MRTFB: variants seen among roughly 807,000 people sequenced by gnomAD.
The protein encoded by MRTFB is myocardin-related transcription factor B.
In MRTFB, 29 loss-of-function variants were observed where a neutral mutation model predicts 104.2. The observed-to-expected ratio is 0.28, with a 90% CI of 0.21 to 0.38. The LOEUF is 0.38. MRTFB is among the 10% of genes least tolerant of loss of function. The pLI, the probability that MRTFB is intolerant of heterozygous loss-of-function variation, is 1.00. For missense variants in MRTFB, 1,270 were observed against 1,341.6 expected, an observed-to-expected ratio of 0.95 and a Z score of 0.83; for synonymous variants, 535 against 519.5, an observed-to-expected ratio of 1.03 and a Z score of -0.41.
rs1286915471 is a variant in MRTFB at position 14,263,417 on chromosome 16, C to T, written c.*1973C>T. 1.3e-5 allele frequency: 2 copies of T among 152,116 alleles called. No homozygotes were observed. Among genetic ancestry groups the T allele is most frequent in the Non-Finnish European group, 2.9e-5 (2 of 68,012 alleles). The allele number at this position is 152,116 out of a possible 1,614,324, so 9.4% of individuals were successfully genotyped here. A position where few individuals can be genotyped will look rare whatever the true frequency, so the allele number is the denominator to read the frequency against. ...ACAGTTCTTGGCCACAGTTTTTTTG[C>T]TGAGGGTTTCTGTCTGGGCCTATCA... On this transcript the variant is annotated 3_prime_UTR_variant, in exon 17 of 17. Coordinates refer to ENST00000571589, the MANE Select transcript of MRTFB (RefSeq NM_001308142.2).
At chr16:14,057,972 G>T in the MRTFB span, among the ~76,000 whole-genome samples, 1 of 152,222 alleles carries the variant, frequency 6.6e-6, no homozygotes, top group Non-Finnish European at 1.5e-5. Context: ...AGGGGTGGGG[G>T]CCACCTTCAC....
At chr16:14,083,861 A>G (rs781373078) in intron 2 of MRTFB, among the ~76,000 whole-genome samples, 1 of 152,158 alleles carries the variant, frequency 6.6e-6, no homozygotes, top group Non-Finnish European at 1.5e-5. Context: ...CTTCTTTTGT[A>G]TGTAACCTGT....
chr16:14,181,063 C>T (rs3974322), intron 3 of MRTFB, among the ~76,000 whole-genome samples: 4,077 of 152,084 alleles, frequency 0.027, 70 homozygotes, highest in Middle Eastern at 0.086. Context: ...ACTGTATGTT[C>T]AGTATATATT....
At chr16:14,175,777 A>G (rs1232599274) in intron 3 of MRTFB, among the ~76,000 whole-genome samples, 1 of 152,204 alleles carries the variant, frequency 6.6e-6, no homozygotes, top group East Asian at 1.9e-4. Context: ...ATTACTCAGT[A>G]ATAGAAAGGA....
chr16:14,162,084 G>T (rs1001330425), intron 3 of MRTFB, among the ~76,000 whole-genome samples: 4 of 150,460 alleles, frequency 2.7e-5, no homozygotes, highest in Admixed American at 2.0e-4. Context: ...GAGAGGCCAA[G>T]GTGGGAGTAT....
intron 10 of MRTFB, among the ~76,000 whole-genome samples, chr16:14,243,553 A>T (rs2042873884): frequency 6.6e-6 from 1 of 152,220 alleles, no homozygotes; most frequent in Admixed American, 6.5e-5. Flanking sequence ...AGAGTATCAC[A>T]GTTGGAAGAT....
the MRTFB span, among the ~76,000 whole-genome samples, chr16:14,045,555 A>G: frequency 1.3e-5 from 2 of 152,192 alleles, no homozygotes; most frequent in Non-Finnish European, 2.9e-5. Flanking sequence ...GGTTAAATTC[A>G]AGAATGTTTA....
intron 15 of MRTFB, among the ~76,000 whole-genome samples, chr16:14,253,437 TC>T (rs1316754867): frequency 1.3e-5 from 2 of 152,182 alleles, no homozygotes; most frequent in African/African-American, 4.8e-5. Flanking sequence ...GCTCCCGTGT[TC>T]CATGGGGTAA....
chr16:14,056,958 G>A, the MRTFB span, among the ~76,000 whole-genome samples: 16 of 152,214 alleles, frequency 1.1e-4, no homozygotes, highest in East Asian at 3.1e-3. Flanking sequence ...ATCCTGGTAA[G>A]CTGTAAAAAT....
chr16:14,243,864 G>GTTTGTTTTTTTTTTT (rs750881308), intron 10 of MRTFB, among the ~76,000 whole-genome samples: 6 of 124,672 alleles, frequency 4.8e-5, no homozygotes, highest in Non-Finnish European at 7.9e-5. Flanking sequence ...CCTGTTTTGG[G>GTTTGTTTTTTTTTTT]TTTTTTTTTT....
intron 2 of MRTFB, among the ~76,000 whole-genome samples, chr16:14,116,698 C>A (rs1351703747): frequency 6.6e-6 from 1 of 152,040 alleles, no homozygotes; most frequent in Non-Finnish European, 1.5e-5. Context: ...ATTGTAAGCA[C>A]CATTGTAAGG....
chr16:14,250,784 G>A (rs1028003856), intron 13 of MRTFB, among the ~76,000 whole-genome samples: 8 of 152,176 alleles, frequency 5.3e-5, no homozygotes, highest in African/African-American at 1.4e-4. Flanking sequence ...AAGGCCAGGC[G>A]CAGGACAGCA....
chr16:14,071,104 G>A (rs1307468275), upstream of MRTFB, among the ~76,000 whole-genome samples: 4 of 152,206 alleles, frequency 2.6e-5, no homozygotes, highest in African/African-American at 4.8e-5. Flanking sequence ...GTGAGAAGGA[G>A]GCGGCCGCCT....
rs2043959244 is a variant in MRTFB, at chr16:14,266,652, ATG to A, written c.*5213_*5214del. 1 of 152,230 alleles carries A rather than the reference ATG, an allele frequency of 6.6e-6. No individual in the cohort carries two copies. The highest frequency in any genetic ancestry group is 2.1e-4 in the South Asian group (1 of 4,836). 9.4% of individuals were successfully genotyped at this position (152,230 alleles called of 1,614,324 possible). A position where few individuals can be genotyped will look rare whatever the true frequency, so the allele number is the denominator to read the frequency against. ...TAAGTAATGCATACTGTATTTTTAT[ATG>A]TGTGCACATTTATCATCAGATCTTT... is the stretch of plus-strand genomic sequence containing the variant. On this transcript the variant is annotated 3_prime_UTR_variant, in exon 17 of 17. Transcript: ENST00000571589.
At chr16:14,197,988 C>T (rs2040514639) in intron 3 of MRTFB, among the ~76,000 whole-genome samples, 1 of 152,146 alleles carries the variant, frequency 6.6e-6, no homozygotes, top group African/African-American at 2.4e-5. Context: ...CAGTTGCTGT[C>T]ATGCTCCCTT....
Position 14,252,492 on chromosome 16 carries a change from C to T in MRTFB, c.2693C>T (p.Pro898Leu), listed in dbSNP as rs1567222473. Reference protein sequence around the residue: ...AIKQTRSTQAPLPEISNAHSQ... With the variant: ...AIKQTRSTQALLPEISNAHSQ... ...AAGCAGACACGCAGCACACAGGCCC[C>T]TCTGCCAGAGGTAAGTGAGGGCACG... The change falls in exon 15 of 17, where the codon CCT becomes CTT. Residue 898 changes from proline to leucine, a missense_variant. Coordinates refer to ENST00000571589, the MANE Select transcript of MRTFB (RefSeq NM_001308142.2). The T allele has an allele frequency of 6.2e-7, 1 of 1,614,012 alleles. No individual in the cohort carries two copies. Among genetic ancestry groups the T allele is most frequent in the Non-Finnish European group, 8.5e-7 (1 of 1,180,002 alleles).
intron 2 of MRTFB, among the ~76,000 whole-genome samples, chr16:14,123,111 A>G (rs760495095): frequency 6.6e-6 from 1 of 152,092 alleles, no homozygotes; most frequent in African/African-American, 2.4e-5. Context: ...GTCGGTTCAC[A>G]CCCTTTGCTC....
chr16:14,055,814 T>C, the MRTFB span, among the ~76,000 whole-genome samples: 1 of 152,194 alleles, frequency 6.6e-6, no homozygotes, highest in Non-Finnish European at 1.5e-5. Context: ...TGTCATTAAT[T>C]AATCTCTCGG....
the MRTFB span, among the ~76,000 whole-genome samples, chr16:14,047,749 T>C: frequency 6.6e-6 from 1 of 152,144 alleles, no homozygotes; most frequent in Non-Finnish European, 1.5e-5. Context: ...CATGATTCAG[T>C]CATCTCCCAC....
Sources: allele counts gnomAD v4.1 joint callset (sites outside exome capture counted in the v4.1 genomes callset), GRCh38; gene constraint gnomAD v4.1.1; transcripts MANE v1.5; gene names NCBI Gene and HGNC (gene_info 2026-07-23, HGNC 2026-07-21).